C8orf34: variants seen among roughly 807,000 people sequenced by gnomAD.
The protein encoded by C8orf34 is uncharacterized protein C8orf34.
In C8orf34, 65 loss-of-function variants were observed where a neutral mutation model predicts 68.3. That is an observed-to-expected ratio of 0.95 (90% CI 0.78 to 1.17). The LOEUF (loss-of-function observed/expected upper bound fraction) is 1.17, where lower values mean the gene tolerates loss of function less well. C8orf34 is among the 50% of genes most tolerant of loss of function. C8orf34 has a pLI of 0.00. For synonymous variants in C8orf34, 244 were observed against 241.2 expected (o/e 1.01, Z -0.11); for missense variants, 664 against 655.4 (o/e 1.01, Z -0.14).
chr8:68,356,155 G>A (rs901425533), intron 1 of C8orf34, among the ~76,000 whole-genome samples: 1 of 152,042 alleles, frequency 6.6e-6, no homozygotes, highest in South Asian at 2.1e-4. Flanking sequence ...AAATATCAGG[G>A]CAAGCCTGTC....
At chr8:68,777,600 C>T (rs1293205724) in intron 11 of C8orf34, among the ~76,000 whole-genome samples, 1 of 152,144 alleles carries the variant, frequency 6.6e-6, no homozygotes, top group East Asian at 1.9e-4. Context: ...AATCTTGGGG[C>T]TCAGCCCAGA....
At chr8:68,771,135 G>A (rs1295529129) in intron 10 of C8orf34, among the ~76,000 whole-genome samples, 4 of 152,142 alleles carry the variant, frequency 2.6e-5, no homozygotes. Flanking sequence ...ATGTAGGTCT[G>A]AAAACAAACA....
Position 68,752,954 on chromosome 8 carries a change from C to T in C8orf34, c.1405-23445C>T, listed in dbSNP as rs112376781. On this transcript the variant is annotated intron_variant, in intron 10 of 13. Transcript: ENST00000518698. ...GTTTTTTTGAATATCAAGAAACCAT[C>T]CATATATTTGTAGGTAGGTCTTTTT... Among the ~76,000 whole-genome samples the T allele has an allele frequency of 5.4e-3, 820 of 152,180 alleles. 10 individuals carry two copies. Among genetic ancestry groups the T allele is most frequent in the African/African-American group, 0.018 (727 of 41,518 alleles).
chr8:68,568,909 TA>T (rs11300556), intron 7 of C8orf34, among the ~76,000 whole-genome samples: 37,513 of 151,094 alleles, frequency 0.25, 6,821 homozygotes, highest in African/African-American at 0.53. Flanking sequence ...TCTGCCATCG[TA>T]AACTTGAAAT....
At chr8:68,425,770 T>C (rs1172515574) in intron 1 of C8orf34, among the ~76,000 whole-genome samples, 1 of 149,628 alleles carries the variant, frequency 6.7e-6, no homozygotes, top group African/African-American at 2.4e-5. Context: ...CTCTTCCTGA[T>C]TTCAAAGGAT....
intron 5 of C8orf34, among the ~76,000 whole-genome samples, chr8:68,511,010 C>A (rs1586289132): frequency 6.6e-6 from 1 of 152,148 alleles, no homozygotes; most frequent in Non-Finnish European, 1.5e-5. Context: ...ATTGGCTCTG[C>A]AAGTTGAGAT....
At chr8:68,460,775 C>A (rs1246965897) in intron 3 of C8orf34, among the ~76,000 whole-genome samples, 2 of 152,136 alleles carry the variant, frequency 1.3e-5, no homozygotes, top group African/African-American at 4.8e-5. Flanking sequence ...AGGACATCCA[C>A]ACCAAAAACC....
rs16934510 is a variant in C8orf34 at position 68,373,602 on chromosome 8, T to G, written c.327+42263T>G. Among the ~76,000 whole-genome samples the G allele has an allele frequency of 8.1e-3, 1,231 of 152,346 alleles. 40 individuals are homozygous for G. In the East Asian group the frequency reaches 0.1, roughly 13 times the overall value. On this transcript the variant is annotated intron_variant, in intron 1 of 13. Transcript: ENST00000518698. ...GAGTTCTGAGACAGCCAGAACTGTC[T>G]CATTCTGTTTCCCATTACTATGGTT...
chr8:68,476,982 C>G (rs1517114), intron 4 of C8orf34, among the ~76,000 whole-genome samples: 95,309 of 151,898 alleles, frequency 0.63, 30,280 homozygotes, highest in East Asian at 0.88. Flanking sequence ...TCCTGATAGC[C>G]CTTATTCCTA....
intron 7 of C8orf34, among the ~76,000 whole-genome samples, chr8:68,559,096 G>A (rs1024424982): frequency 6.6e-6 from 1 of 152,072 alleles, no homozygotes; most frequent in African/African-American, 2.4e-5. Context: ...CATAAAACAA[G>A]GTAAGATCAT....
intron 8 of C8orf34, among the ~76,000 whole-genome samples, chr8:68,662,997 T>C (rs1819727729): frequency 6.6e-6 from 1 of 152,198 alleles, no homozygotes; most frequent in Non-Finnish European, 1.5e-5. Flanking sequence ...ACAATGGAAG[T>C]TACCCTTTTT....
intron 10 of C8orf34, among the ~76,000 whole-genome samples, chr8:68,731,838 T>C (rs1177132865): frequency 1.3e-5 from 2 of 152,262 alleles, no homozygotes; most frequent in Non-Finnish European, 2.9e-5. Flanking sequence ...CCATACGTGA[T>C]TTAATGTTAG....
chr8:68,779,338 A>G (rs1203238780), intron 11 of C8orf34, among the ~76,000 whole-genome samples: 2 of 152,158 alleles, frequency 1.3e-5, no homozygotes, highest in Non-Finnish European at 2.9e-5. Flanking sequence ...AGTATTGTCA[A>G]TTCAAATGAT....
chr8:68,346,088 AAT>A lies in C8orf34; in HGVS notation c.327+14752_327+14753del, dbSNP rs571356207. Among the ~76,000 whole-genome samples the A allele has an allele frequency of 1.4e-4, 21 of 152,270 alleles. No individual in the cohort carries two copies. The East Asian group carries it at 4.0e-3, about 29-fold the overall frequency. ...TTTGAAATTGTATTGAATGAAATAGAATATGTTATTTATTTCAATATGTATGT... is the reference window on the plus strand; with the variant it reads ...TTTGAAATTGTATTGAATGAAATAGAATGTTATTTATTTCAATATGTATGT... On this transcript the variant is annotated intron_variant, in intron 1 of 13. Transcript: ENST00000518698.
intron 7 of C8orf34, chr8:68,534,600 C>G (rs1277239088): frequency 1.0e-6 from 1 of 982,138 alleles, no homozygotes; most frequent in East Asian, 1.1e-4. Flanking sequence ...ATTACTCTGG[C>G]TAGTCCTGAA....
At chr8:68,331,780 C>CT (rs1415208083) in intron 1 of C8orf34, among the ~76,000 whole-genome samples, 4 of 33,560 alleles carry the variant, frequency 1.2e-4, no homozygotes, top group Admixed American at 4.5e-4. Context: ...CTTTTCTTTC[C>CT]TTCTTTTTTT....
intron 10 of C8orf34, among the ~76,000 whole-genome samples, chr8:68,732,524 T>C (rs1008650151): frequency 6.6e-6 from 1 of 152,164 alleles, no homozygotes; most frequent in South Asian, 2.1e-4. Context: ...TAATGACTTG[T>C]ATCATTTCAT....
At chr8:68,443,571 T>C (rs1448736710) in intron 2 of C8orf34, among the ~76,000 whole-genome samples, 1 of 151,802 alleles carries the variant, frequency 6.6e-6, no homozygotes, top group Non-Finnish European at 1.5e-5. Context: ...GCTAACTTTT[T>C]TTTTTTTTGT....
At chr8:68,503,100 AG>A (rs1360597365) in intron 5 of C8orf34, among the ~76,000 whole-genome samples, 7 of 152,338 alleles carry the variant, frequency 4.6e-5, no homozygotes, top group African/African-American at 1.7e-4. Context: ...CTATAGATTA[AG>A]AGAAATGTAA....
Sources: allele counts gnomAD v4.1 joint callset (sites outside exome capture counted in the v4.1 genomes callset), GRCh38; gene constraint gnomAD v4.1.1; transcripts MANE v1.5; gene names NCBI Gene and HGNC (gene_info 2026-07-23, HGNC 2026-07-21).